NKAIN2: variants seen among roughly 807,000 people sequenced by gnomAD.
NKAIN2 encodes the protein sodium/potassium-transporting ATPase subunit beta-1-interacting protein 2.
A neutral mutation model predicts 32.6 loss-of-function variants in NKAIN2; 14 were observed. The ratio of observed to expected loss-of-function variants is 0.43; its 90% confidence interval spans 0.28 to 0.67. NKAIN2 has a LOEUF of 0.67. NKAIN2 is among the 30% of genes least tolerant of loss of function. The pLI, the probability that NKAIN2 is intolerant of heterozygous loss-of-function variation, is 0.17. For synonymous variants in NKAIN2, 80 were observed against 87.2 expected, an observed-to-expected ratio of 0.92 and a Z score of 0.46; for missense variants, 198 against 258.3, an observed-to-expected ratio of 0.77 and a Z score of 1.60.
intron 1 of NKAIN2, among the ~76,000 whole-genome samples, chr6:124,219,267 T>C (rs1357890649): frequency 7.6e-6 from 1 of 131,484 alleles, no homozygotes; most frequent in Non-Finnish European, 1.6e-5. Context: ...ATTTTTATTT[T>C]CTTTTTTCTT....
At chr6:124,815,604 C>T (rs1343320435) in intron 5 of NKAIN2, among the ~76,000 whole-genome samples, 1 of 151,976 alleles carries the variant, frequency 6.6e-6, no homozygotes, top group Non-Finnish European at 1.5e-5. Context: ...TAAATAGAGT[C>T]ACTGTGTAAT....
At chr6:124,430,734 A>T (rs1166092269) in intron 3 of NKAIN2, among the ~76,000 whole-genome samples, 1 of 152,018 alleles carries the variant, frequency 6.6e-6, no homozygotes, top group African/African-American at 2.4e-5. Flanking sequence ...TATTATTTCC[A>T]CCACGTGTAT....
chr6:124,563,070 AT>A (rs899734392), intron 3 of NKAIN2, among the ~76,000 whole-genome samples: 1 of 151,674 alleles, frequency 6.6e-6, no homozygotes, highest in Non-Finnish European at 1.5e-5. Context: ...TGCCCGGCTA[AT>A]TTTTTTGTAT....
At chr6:124,670,832 C>T (rs1002102460) in intron 4 of NKAIN2, among the ~76,000 whole-genome samples, 1 of 152,042 alleles carries the variant, frequency 6.6e-6, no homozygotes, top group Non-Finnish European at 1.5e-5. Context: ...GTCTGCCCAT[C>T]AGCTTTGCTT....
intron 3 of NKAIN2, among the ~76,000 whole-genome samples, chr6:124,611,891 T>C (rs1782703752): frequency 1.3e-5 from 2 of 152,312 alleles, no homozygotes; most frequent in South Asian, 4.1e-4. Flanking sequence ...TTTTGAGCAC[T>C]TTGTTGTCAG....
intron 3 of NKAIN2, among the ~76,000 whole-genome samples, chr6:124,436,301 T>G (rs1045225588): frequency 6.6e-6 from 1 of 152,190 alleles, no homozygotes. Context: ...GATGCCTTTC[T>G]CAGCTCCTTC....
intron 1 of NKAIN2, among the ~76,000 whole-genome samples, chr6:124,108,745 A>G (rs1407236104): frequency 2.0e-5 from 3 of 151,952 alleles, no homozygotes; most frequent in Non-Finnish European, 2.9e-5. Context: ...TTTAATTTCA[A>G]TCTTTTGCAT....
chr6:124,110,249 T>C (rs1364516026), intron 1 of NKAIN2, among the ~76,000 whole-genome samples: 1 of 151,950 alleles, frequency 6.6e-6, no homozygotes, highest in African/African-American at 2.4e-5. Flanking sequence ...ATAAATGTGA[T>C]GCATCACATT....
chr6:123,966,458 A>AT (rs1778088298), intron 1 of NKAIN2, among the ~76,000 whole-genome samples: 1 of 152,062 alleles, frequency 6.6e-6, no homozygotes, highest in Admixed American at 6.6e-5. Context: ...TTTTTATAGG[A>AT]TTTTTGCTAT....
intron 1 of NKAIN2, among the ~76,000 whole-genome samples, chr6:123,922,269 C>T (rs986235251): frequency 1.3e-5 from 2 of 152,084 alleles, no homozygotes; most frequent in African/African-American, 2.4e-5. Context: ...GCTATGTAGC[C>T]TCTAAGAAGG....
At chr6:124,779,310 GGGAGGGA>G (rs1779142756) in intron 4 of NKAIN2, among the ~76,000 whole-genome samples, 1 of 95,752 alleles carries the variant, frequency 1.0e-5, no homozygotes, top group African/African-American at 4.5e-5. Context: ...GAGGGAGGGA[GGGAGGGA>G]GGGAAGGAAG....
chr6:124,791,496 A>G, intron 5 of NKAIN2, 97 bp downstream of exon 5: 2 of 724,814 alleles, frequency 2.8e-6, no homozygotes, highest in South Asian at 4.4e-5. Flanking sequence ...AGATCCTACA[A>G]CACAGCATTA....
chr6:124,103,584 T>A (rs1291606592), intron 1 of NKAIN2, among the ~76,000 whole-genome samples: 1 of 152,206 alleles, frequency 6.6e-6, no homozygotes, highest in Non-Finnish European at 1.5e-5. Flanking sequence ...TGCCTTCAAA[T>A]GTATTTGAAT....
intron 2 of NKAIN2, among the ~76,000 whole-genome samples, chr6:124,337,267 TG>T: frequency 6.6e-6 from 1 of 152,252 alleles, no homozygotes; most frequent in South Asian, 2.1e-4. Context: ...GAGGCCAAGA[TG>T]GGCAGATCCC....
At chr6:124,682,741 T>C (rs1203979014) in intron 4 of NKAIN2, among the ~76,000 whole-genome samples, 2 of 152,212 alleles carry the variant, frequency 1.3e-5, no homozygotes, top group Non-Finnish European at 2.9e-5. Context: ...ATTGATATAT[T>C]GGAACTTAAA....
At chr6:124,281,610 T>A (rs964903422) in intron 1 of NKAIN2, among the ~76,000 whole-genome samples, 3 of 152,182 alleles carry the variant, frequency 2.0e-5, no homozygotes, top group African/African-American at 7.2e-5. Context: ...ATGGCGAAGA[T>A]GCAATGAGAA....
intron 3 of NKAIN2, among the ~76,000 whole-genome samples, chr6:124,532,459 T>C (rs566573792): frequency 2.1e-4 from 32 of 152,208 alleles, no homozygotes; most frequent in Non-Finnish European, 2.5e-4. Flanking sequence ...CAGAAATTTA[T>C]CTCATCTCAT....
intron 1 of NKAIN2, among the ~76,000 whole-genome samples, chr6:124,061,330 A>G (rs1361787949): frequency 6.6e-6 from 1 of 152,174 alleles, no homozygotes; most frequent in Admixed American, 6.5e-5. Flanking sequence ...ATGTTATTAT[A>G]TAATCTTTTT....
intron 1 of NKAIN2, among the ~76,000 whole-genome samples, chr6:123,896,395 C>A (rs1422908760): frequency 6.7e-6 from 1 of 149,490 alleles, no homozygotes; most frequent in African/African-American, 2.6e-5. Flanking sequence ...ATATCACCAA[C>A]CTGTTTAATT....
Sources: gnomAD v4.1 joint callset for allele counts (sites outside exome capture counted in the v4.1 genomes callset) on GRCh38, gnomAD v4.1.1 for gene constraint, MANE v1.5 for transcripts, NCBI Gene and HGNC (gene_info 2026-07-23, HGNC 2026-07-21) for gene names.